The following SCYL2 variants were observed in gnomAD, a reference collection of about 807,000 sequenced individuals.
SCYL2 encodes the protein SCY1 like pseudokinase 2.
A neutral mutation model predicts 100.4 loss-of-function variants in SCYL2; 36 were observed. That is an observed-to-expected ratio of 0.36 (90% CI 0.27 to 0.47). The LOEUF is 0.47. SCYL2 is among the 20% of genes least tolerant of loss of function. The pLI is 1.00. For synonymous variants in SCYL2, 330 were observed against 359.2 expected, an observed-to-expected ratio of 0.92 and a Z score of 0.92; for missense variants, 902 against 1,083.9, an observed-to-expected ratio of 0.83 and a Z score of 2.36.
intron 1 of SCYL2, among the ~76,000 whole-genome samples, chr12:100,279,844 G>A (rs1463269198): frequency 1.3e-5 from 2 of 152,230 alleles, no homozygotes; most frequent in African/African-American, 4.8e-5. Flanking sequence ...ACCTGGTGGA[G>A]TGTCACACTA....
chr12:100,267,266 C>G lies in SCYL2; in HGVS notation c.-555C>G. Reference sequence around the variant, plus strand: ...GCTCCGACGTTTGCGGCCGCGGGGGCGGCGGAGGATATGGAGTAAAGCCAG... The same window carrying G: ...GCTCCGACGTTTGCGGCCGCGGGGGGGGCGGAGGATATGGAGTAAAGCCAG... On this transcript the variant is annotated 5_prime_UTR_variant, in exon 1 of 18. Coordinates refer to ENST00000360820, the MANE Select transcript of SCYL2 (RefSeq NM_017988.6). The G allele has an allele frequency of 1.7e-6, 1 of 601,708 alleles. No homozygotes were observed. Among genetic ancestry groups the G allele is most frequent in the South Asian group, 2.2e-5 (1 of 45,424 alleles). 37.3% of individuals were successfully genotyped at this position (601,708 alleles called of 1,614,324 possible).
Position 100,298,107 on chromosome 12 carries a change from T to C in SCYL2, c.412T>C (p.Ser138Pro), listed in dbSNP as rs779735385. Residue 138 changes from serine (S) to proline (P), a missense_variant, in exon 4 of 18, where the codon TCC becomes CCC. Ser to Pro is a moderately conservative substitution (Grantham distance 74, BLOSUM62 -1). Coordinates refer to ENST00000360820, the MANE Select transcript of SCYL2 (RefSeq NM_017988.6). Reference sequence around the variant, plus strand: ...TCTTGGTAACTGGGAAAATCTACCTTCCCCTATATCTCCAGACATTAAGGA... The same window carrying C: ...TCTTGGTAACTGGGAAAATCTACCTCCCCCTATATCTCCAGACATTAAGGA... ...NVLGNWENLPSPISPDIKDYK... is the reference protein window; with the variant it reads ...NVLGNWENLPPPISPDIKDYK... The C allele has an allele frequency of 7.5e-6, 12 of 1,607,990 alleles. No individual in the cohort carries two copies. The highest frequency in any genetic ancestry group is 1.7e-5 in the Admixed American group (1 of 59,528).
At chr12:100,307,560 A>T (rs1228435026) in intron 4 of SCYL2, among the ~76,000 whole-genome samples, 1 of 152,188 alleles carries the variant, frequency 6.6e-6, no homozygotes, top group Non-Finnish European at 1.5e-5. Flanking sequence ...AACCTAGGCA[A>T]TACCATTCAG....
intron 2 of SCYL2, among the ~76,000 whole-genome samples, chr12:100,285,359 A>T (rs1197285437): frequency 6.6e-6 from 1 of 152,238 alleles, no homozygotes; most frequent in African/African-American, 2.4e-5. Context: ...TGTGTTGTTG[A>T]ACAATGCAGT....
intron 4 of SCYL2, among the ~76,000 whole-genome samples, chr12:100,310,394 G>A (rs1310285450): frequency 1.3e-5 from 2 of 152,202 alleles, no homozygotes; most frequent in East Asian, 1.9e-4. Flanking sequence ...TAGTGACTTC[G>A]AGCATCTTTT....
At chr12:100,302,446 G>A (rs1446453624) in intron 4 of SCYL2, among the ~76,000 whole-genome samples, 2 of 152,206 alleles carry the variant, frequency 1.3e-5, no homozygotes, top group Admixed American at 6.5e-5. Context: ...TGTAAGGCAG[G>A]CCTGGTGGTG....
rs566191675 is a variant in SCYL2 at position 100,323,049 on chromosome 12, A to G, written c.1396-476A>G. Among the ~76,000 whole-genome samples the G allele has an allele frequency of 1.9e-3, 281 of 151,650 alleles. 6 individuals are homozygous for G. The highest frequency in any genetic ancestry group is 6.6e-3 in the African/African-American group (274 of 41,356). On this transcript the variant is annotated intron_variant, in intron 10 of 17. Transcript: ENST00000360820. ...TCTCAAGAAAAAAAAAAAAAAAAAA[A>G]TTAAACACTCCTTTCGGTATGTTGT...
intron 3 of SCYL2, among the ~76,000 whole-genome samples, chr12:100,295,002 C>T (rs1249659053): frequency 2.0e-5 from 3 of 151,862 alleles, no homozygotes; most frequent in East Asian, 3.9e-4. Flanking sequence ...GGCAGAGACG[C>T]TCCTCACCTC....
chr12:100,300,615 A>G (rs538286844), intron 4 of SCYL2, among the ~76,000 whole-genome samples: 1 of 152,180 alleles, frequency 6.6e-6, no homozygotes, highest in Admixed American at 6.5e-5. Flanking sequence ...TTTTGTACCC[A>G]TTAACCATCC....
chr12:100,271,281 A>AAAGAG (rs869276181), intron 1 of SCYL2, among the ~76,000 whole-genome samples: 3 of 128,906 alleles, frequency 2.3e-5, no homozygotes, highest in African/African-American at 8.3e-5. Context: ...AAAAAAAAAA[A>AAAGAG]AGAGAGAGAG....
rs778326637 is a variant in SCYL2 at position 100,311,087 on chromosome 12, T to G, written c.524T>G (p.Val175Gly). Residue 175 changes from valine (V) to glycine (G), a missense_variant, in exon 5 of 18, where the codon GTG (valine) becomes GGG (glycine). Coordinates refer to ENST00000360820, the MANE Select transcript of SCYL2 (RefSeq NM_017988.6). ...TTCTTGCATAGCAGTGTGAAAATGG[T>G]GCATGGAAATATCACTCCTGAAAAT... The part of the protein sequence containing the change: ...LSFLHSSVKM[V>G]HGNITPENII... The G allele has an allele frequency of 6.2e-7, 1 of 1,605,442 alleles. No individual in the cohort carries two copies. The highest frequency in any genetic ancestry group is 1.1e-5 in the South Asian group (1 of 89,230).
chr12:100,279,612 C>T (rs2096296030), intron 1 of SCYL2, among the ~76,000 whole-genome samples: 1 of 152,114 alleles, frequency 6.6e-6, no homozygotes, highest in South Asian at 2.1e-4. Flanking sequence ...TTTATGATTA[C>T]TTTGGTCATT....
Position 100,339,042 on chromosome 12 carries a change from AC to A in SCYL2, c.2661del (p.Asn887LysfsTer2). On this transcript the variant is annotated frameshift_variant, in exon 18 of 18. Transcript: ENST00000360820. LOFTEE classifies it high-confidence loss of function. ...MGSSVMGTQM[N>X]VIGQSAFGMQ... ...AGTTCAGTAATGGGGACACAGATGA[AC>A]GTGATAGGACAATCTGCTTTTGGTA... is the stretch of plus-strand genomic sequence containing the variant. 1 of 1,614,158 alleles carries A rather than the reference AC, an allele frequency of 6.2e-7. No homozygotes were observed. The highest frequency in any genetic ancestry group is 8.5e-7 in the Non-Finnish European group (1 of 1,179,984).
At chr12:100,302,290 C>T (rs1335628081) in intron 4 of SCYL2, among the ~76,000 whole-genome samples, 1 of 152,192 alleles carries the variant, frequency 6.6e-6, no homozygotes, top group Non-Finnish European at 1.5e-5. Context: ...CTCCCTAGGA[C>T]ACTTGCCATC....
chr12:100,328,201 C>T (rs1485385418), intron 12 of SCYL2, among the ~76,000 whole-genome samples: 2 of 152,000 alleles, frequency 1.3e-5, no homozygotes, highest in Non-Finnish European at 2.9e-5. Flanking sequence ...TCACATGAAC[C>T]AGGGAGGTTG....
In SCYL2 at chr12:100,320,829, GGGAACATA is replaced by G. The variant is rs75042403; in HGVS notation, c.1396-2686_1396-2679del. On this transcript the variant is annotated intron_variant, in intron 10 of 17. Coordinates refer to ENST00000360820, the MANE Select transcript of SCYL2 (RefSeq NM_017988.6). ...GATCTTCTGTAAGGAAGCTCCTTAC[GGGAACATA>G]GGAACATAGTGTCCCACTGACTGCT... 0.016 allele frequency among the ~76,000 whole-genome samples: 2,492 copies of G among 152,164 alleles called. 155 individuals carry two copies. In the East Asian group the frequency reaches 0.18, roughly 11 times the overall value.
At chr12:100,279,684 A>T (rs928590255) in intron 1 of SCYL2, among the ~76,000 whole-genome samples, 2 of 152,330 alleles carry the variant, frequency 1.3e-5, no homozygotes, top group South Asian at 2.1e-4. Flanking sequence ...TTACCCCACT[A>T]TTAAGGCATG....
chr12:100,312,051 A>G (rs1202966129), intron 5 of SCYL2, among the ~76,000 whole-genome samples: 2 of 152,226 alleles, frequency 1.3e-5, no homozygotes, highest in Non-Finnish European at 2.9e-5. Context: ...CGTTACTACA[A>G]TCTTTTGAAC....
intron 12 of SCYL2, among the ~76,000 whole-genome samples, chr12:100,328,926 T>A (rs769108544): frequency 3.3e-5 from 5 of 152,228 alleles, no homozygotes; most frequent in Non-Finnish European, 5.9e-5. Flanking sequence ...GAATTGAACC[T>A]GGTTCTGATA....
Sources: gnomAD v4.1 joint callset for allele counts (sites outside exome capture counted in the v4.1 genomes callset) on GRCh38, gnomAD v4.1.1 for gene constraint, MANE v1.5 for transcripts, NCBI Gene and HGNC (gene_info 2026-07-23, HGNC 2026-07-21) for gene names.